The following SUDS3 variants were observed in gnomAD, a reference collection of about 807,000 sequenced individuals.
The protein encoded by SUDS3 is SIN3A corepressor complex component SDS3.
SUDS3 carries 23 observed loss-of-function variants against 53.5 expected under a neutral mutation model. The ratio of observed to expected loss-of-function variants is 0.43; its 90% CI spans 0.31 to 0.61. The LOEUF (loss-of-function observed/expected upper bound fraction) is 0.61, where lower values mean the gene tolerates loss of function less well. SUDS3 is among the 20% of genes least tolerant of loss of function. The probability of loss-of-function intolerance (pLI) is 0.10; values close to 1 mark genes in which losing one functional copy is unlikely to be tolerated. For missense variants in SUDS3, 291 were observed against 405.9 expected (o/e 0.72, Z 2.43); for synonymous variants, 150 against 148.5 (o/e 1.01, Z -0.08).
intron 1 of SUDS3, among the ~76,000 whole-genome samples, chr12:118,379,457 G>A (rs961606402): frequency 6.6e-6 from 1 of 152,062 alleles, no homozygotes; most frequent in African/African-American, 2.4e-5. Flanking sequence ...AAAGTATACT[G>A]GAAGATGTGC....
chr12:118,400,241 A>G (rs1035081180), intron 6 of SUDS3, among the ~76,000 whole-genome samples: 3 of 152,196 alleles, frequency 2.0e-5, no homozygotes, highest in Admixed American at 6.5e-5. Flanking sequence ...TTTCATACCA[A>G]TGGGCTTCAG....
chr12:118,400,886 T>G, intron 7 of SUDS3, 132 bp downstream of exon 7: 1 of 850,380 alleles, frequency 1.2e-6, no homozygotes, highest in Non-Finnish European at 1.9e-6. Flanking sequence ...AAGCGTGTGT[T>G]AAATGTTTGT....
At chr12:118,391,391 T>C in intron 6 of SUDS3, 109 bp downstream of exon 6, 5 of 1,327,376 alleles carry the variant, frequency 3.8e-6, no homozygotes, top group Non-Finnish European at 5.2e-6. Context: ...AGGTGGAGAG[T>C]GGGTTTTGAC....
intron 10 of SUDS3, chr12:118,404,554 C>T (rs749520086): frequency 3.9e-5 from 6 of 152,222 alleles, no homozygotes; most frequent in African/African-American, 9.6e-5. Flanking sequence ...TTCTGTATTA[C>T]GCTTTCTGCT....
intron 11 of SUDS3, among the ~76,000 whole-genome samples, chr12:118,412,920 A>G (rs1293728115): frequency 4.6e-5 from 7 of 152,134 alleles, no homozygotes; most frequent in Admixed American, 6.6e-5. Flanking sequence ...TCATTTCTTG[A>G]AAGTGTTCCA....
At chr12:118,407,657 A>C (rs1043224553) in intron 10 of SUDS3, among the ~76,000 whole-genome samples, 14 of 152,312 alleles carry the variant, frequency 9.2e-5, no homozygotes, top group Admixed American at 7.2e-4. Context: ...TGTTTTCTTT[A>C]AAAGACCTTT....
In SUDS3 at chr12:118,391,799, A is replaced by G. The variant is rs188999711; in HGVS notation, c.517+517A>G. 1.1e-3 allele frequency among the ~76,000 whole-genome samples: 174 copies of G among 152,296 alleles called. 2 individuals are homozygous for G. Among genetic ancestry groups the G allele is most frequent in the Non-Finnish European group, 1.3e-3 (91 of 68,020 alleles). ...ACAAAGGCTTTTGGCTATATCCTCT[A>G]TGCTATTAGATCTCTCCTGCCAGGT... On this transcript the variant is annotated intron_variant, in intron 6 of 11. Coordinates refer to ENST00000543473, the MANE Select transcript of SUDS3 (RefSeq NM_022491.3).
intron 10 of SUDS3, among the ~76,000 whole-genome samples, chr12:118,405,719 A>G (rs1037870667): frequency 1.3e-5 from 2 of 152,166 alleles, no homozygotes; most frequent in African/African-American, 4.8e-5. Context: ...CCCAATGACA[A>G]TTGAAAAGTG....
chr12:118,408,930 C>T lies in SUDS3; in HGVS notation c.804-2143C>T, dbSNP rs143388399. Among the ~76,000 whole-genome samples, 264 of 152,214 alleles carry T rather than the reference C, an allele frequency of 1.7e-3. 2 individuals carry two copies. The highest frequency in any genetic ancestry group is 0.01 in the Middle Eastern group (3 of 294). On this transcript the variant is annotated intron_variant, in intron 10 of 11. Coordinates refer to ENST00000543473, the MANE Select transcript of SUDS3 (RefSeq NM_022491.3). ...CCATTACTCAAGACATGACTGTTTA[C>T]ATAGGAGAGCTGGCTCAGATGTGAG...
intron 6 of SUDS3, among the ~76,000 whole-genome samples, chr12:118,398,347 G>A (rs558950260): frequency 3.3e-5 from 5 of 152,236 alleles, no homozygotes; most frequent in African/African-American, 1.2e-4. Flanking sequence ...ACGCACGTTT[G>A]TGTGACACTC....
In SUDS3 at chr12:118,407,794, C is replaced by G. The variant is rs1386825095; in HGVS notation, c.804-3279C>G. On this transcript the variant is annotated intron_variant, in intron 10 of 11. Transcript: ENST00000543473. The stretch of plus-strand genomic sequence containing the variant: ...AGTGCAGTGGCGCAATCTTGGCTCA[C>G]TGCAGACTCCGCCTCCCAGGTTCAA... Among the ~76,000 whole-genome samples, 4 of 151,730 alleles carry G rather than the reference C, an allele frequency of 2.6e-5. No individual in the cohort carries two copies. The East Asian group carries it at 7.8e-4, about 30-fold the overall frequency.
intron 10 of SUDS3, among the ~76,000 whole-genome samples, chr12:118,406,182 T>A (rs960609732): frequency 2.6e-5 from 4 of 152,208 alleles, no homozygotes; most frequent in Non-Finnish European, 4.4e-5. Context: ...AATAACTAAT[T>A]GATGGTACGG....
chr12:118,389,256 C>T (rs1489625608), intron 4 of SUDS3, among the ~76,000 whole-genome samples: 3 of 152,126 alleles, frequency 2.0e-5, no homozygotes, highest in Non-Finnish European at 2.9e-5. Flanking sequence ...TGCCCCAGCC[C>T]GTGGGAGAAT....
chr12:118,404,651 T>G (rs900342056), intron 10 of SUDS3, among the ~76,000 whole-genome samples: 6 of 152,234 alleles, frequency 3.9e-5, no homozygotes, highest in African/African-American at 1.4e-4. Context: ...GCAGGCATAG[T>G]CTATTCATTC....
intron 10 of SUDS3, among the ~76,000 whole-genome samples, chr12:118,408,160 A>G (rs1759956695): frequency 6.6e-6 from 1 of 150,676 alleles, no homozygotes; most frequent in Non-Finnish European, 1.5e-5. Flanking sequence ...CGGCCTCCCA[A>G]AGTGCTGGGA....
intron 3 of SUDS3, among the ~76,000 whole-genome samples, chr12:118,384,789 G>A (rs1392753170): frequency 6.6e-6 from 1 of 150,766 alleles, no homozygotes; most frequent in Non-Finnish European, 1.5e-5. Context: ...CCAAGATCGT[G>A]CCACTGCACT....
intron 3 of SUDS3, 110 bp downstream of exon 3, chr12:118,384,177 C>G: frequency 9.4e-7 from 1 of 1,064,474 alleles, no homozygotes; most frequent in African/African-American, 1.6e-5. Context: ...CACGGTCTGG[C>G]TGATCTTAGC....
At chr12:118,378,678 A>T (rs144031879) in intron 1 of SUDS3, among the ~76,000 whole-genome samples, 2 of 150,154 alleles carry the variant, frequency 1.3e-5, no homozygotes, top group African/African-American at 4.9e-5. Flanking sequence ...TGTTTTGTTT[A>T]TTTTATTTTT....
Position 118,384,076 on chromosome 12 carries a change from G to A in SUDS3, c.268+9G>A, listed in dbSNP as rs2046092336. 1.2e-6 allele frequency: 2 copies of A among 1,613,206 alleles called. No homozygotes were observed. Among genetic ancestry groups the A allele is most frequent in the Non-Finnish European group, 1.7e-6 (2 of 1,179,512 alleles). On this transcript the variant is annotated intron_variant, in intron 3 of 11. Coordinates refer to ENST00000543473, the MANE Select transcript of SUDS3 (RefSeq NM_022491.3). Reference sequence around the variant, plus strand: ...GCAACAACTGCAAGAAGGTTGGTGTGTGATTGAATCCTGCATTTCTAAATA... The same window carrying A: ...GCAACAACTGCAAGAAGGTTGGTGTATGATTGAATCCTGCATTTCTAAATA...
Sources: gnomAD v4.1 joint callset for allele counts (sites outside exome capture counted in the v4.1 genomes callset) on GRCh38, gnomAD v4.1.1 for gene constraint, MANE v1.5 for transcripts, NCBI Gene and HGNC (gene_info 2026-07-23, HGNC 2026-07-21) for gene names.